The following PDE1C variants were observed in gnomAD, a reference collection of about 807,000 sequenced individuals.
PDE1C encodes the protein dual specificity calcium/calmodulin-dependent 3',5'-cyclic nucleotide phosphodiesterase 1C.
In PDE1C, 62 loss-of-function variants were observed where a neutral mutation model predicts 93.1. The observed-to-expected ratio is 0.67, with a 90% CI of 0.54 to 0.82. The LOEUF (loss-of-function observed/expected upper bound fraction) is 0.82. PDE1C is among the 40% of genes least tolerant of loss of function. The probability of loss-of-function intolerance (pLI) is 0.00; values close to 1 mark genes in which losing one functional copy is unlikely to be tolerated. For missense variants in PDE1C, 742 were observed against 884.6 expected (o/e 0.84, Z 2.04); for synonymous variants, 325 against 310.1 (o/e 1.05, Z -0.50).
intron 2 of PDE1C, among the ~76,000 whole-genome samples, chr7:32,032,781 T>C (rs1446846553): frequency 6.6e-6 from 1 of 152,100 alleles, no homozygotes; most frequent in African/African-American, 2.4e-5. Context: ...CAGTAACCGT[T>C]AGACATGCAG....
intron 16 of PDE1C, among the ~76,000 whole-genome samples, chr7:31,780,421 G>T (rs537380805): frequency 1.4e-4 from 21 of 152,120 alleles, no homozygotes; most frequent in Non-Finnish European, 2.4e-4. Flanking sequence ...TAGACTGCAC[G>T]TCTGCTTATT....
intron 1 of PDE1C, among the ~76,000 whole-genome samples, chr7:32,381,506 G>C (rs1268978673): frequency 6.6e-6 from 1 of 152,148 alleles, no homozygotes; most frequent in Non-Finnish European, 1.5e-5. Flanking sequence ...CTCCTCTCCT[G>C]CTGGCTCACC....
chr7:31,886,881 GGGGCGTGTC>G (rs1583793916), intron 2 of PDE1C, among the ~76,000 whole-genome samples: 698 of 13,826 alleles, frequency 0.05, no homozygotes, highest in Non-Finnish European at 0.058. Context: ...GATCTATTCA[GGGGCGTGTC>G]AAAAGATAAA....
chr7:32,362,788 C>A (rs1282725381), intron 1 of PDE1C, among the ~76,000 whole-genome samples: 1 of 152,180 alleles, frequency 6.6e-6, no homozygotes, highest in Non-Finnish European at 1.5e-5. Context: ...GCTGATGCAG[C>A]GTCTGCTGCA....
chr7:31,809,110 TG>T lies in PDE1C; in HGVS notation c.1814-3del. ...TATTTTTACCATCTTTGAAGTCACCTGAAAGTAATAAACATGACAAACAGTA... is the reference window on the plus strand; with the variant it reads ...TATTTTTACCATCTTTGAAGTCACCTAAAGTAATAAACATGACAAACAGTA... On this transcript the variant is annotated splice_region_variant and splice_polypyrimidine_tract_variant and intron_variant, in intron 15 of 17. Transcript: ENST00000396191. The T allele has an allele frequency of 6.5e-7, 1 of 1,535,654 alleles. No homozygotes were observed. Among genetic ancestry groups the T allele is most frequent in the Non-Finnish European group, 9.0e-7 (1 of 1,110,292 alleles).
At chr7:31,919,739 C>A (rs938318569) in intron 2 of PDE1C, among the ~76,000 whole-genome samples, 1 of 152,210 alleles carries the variant, frequency 6.6e-6, no homozygotes, top group Non-Finnish European at 1.5e-5. Flanking sequence ...CTGCACCAGG[C>A]TTTACCTTAA....
intron 1 of PDE1C, among the ~76,000 whole-genome samples, chr7:32,283,559 CA>C (rs1811810594): frequency 6.6e-6 from 1 of 152,182 alleles, no homozygotes; most frequent in African/African-American, 2.4e-5. Flanking sequence ...AGAGCATTGG[CA>C]TGCCAGTTCT....
At chr7:32,070,515 G>T, upstream of PDE1C, 1 of 1,517,216 alleles carries the variant, frequency 6.6e-7, no homozygotes, top group African/African-American at 1.4e-5. Flanking sequence ...GCACTTTCTC[G>T]GCGCGCTCCC....
At chr7:31,889,156 A>G (rs1231642541) in intron 2 of PDE1C, among the ~76,000 whole-genome samples, 1 of 152,250 alleles carries the variant, frequency 6.6e-6, no homozygotes, top group Non-Finnish European at 1.5e-5. Context: ...TCTAAAATTT[A>G]CTTAGAAATG....
chr7:32,165,893 A>G (rs1802221786), intron 3 of PDE1C, among the ~76,000 whole-genome samples: 1 of 152,128 alleles, frequency 6.6e-6, no homozygotes, highest in Non-Finnish European at 1.5e-5. Context: ...CTTGTTAGAG[A>G]ACAACATCCT....
the PDE1C span, among the ~76,000 whole-genome samples, chr7:31,730,425 A>G: frequency 6.6e-6 from 1 of 152,142 alleles, no homozygotes; most frequent in Non-Finnish European, 1.5e-5. Flanking sequence ...GTGTCATCCC[A>G]GCCACCCTTC....
intron 1 of PDE1C, among the ~76,000 whole-genome samples, chr7:32,280,882 G>A (rs1174033432): frequency 6.6e-6 from 1 of 152,140 alleles, no homozygotes; most frequent in Non-Finnish European, 1.5e-5. Context: ...CTACTTGGGA[G>A]CCTGAGGCAA....
At chr7:32,278,862 T>G (rs145227433) in intron 1 of PDE1C, among the ~76,000 whole-genome samples, 72 of 152,264 alleles carry the variant, frequency 4.7e-4, no homozygotes, top group African/African-American at 1.6e-3. Context: ...AAAACTAGTT[T>G]TAAAAGATAA....
chr7:31,923,158 T>C (rs77219398), intron 2 of PDE1C, among the ~76,000 whole-genome samples: 1,614 of 152,286 alleles, frequency 0.011, 14 homozygotes, highest in Non-Finnish European at 0.019. Flanking sequence ...GAGGTCTTCA[T>C]TGAGGGCTCC....
rs116705695 is a variant in PDE1C at position 32,206,275 on chromosome 7, G to A, written c.136+3214C>T. Among the ~76,000 whole-genome samples the A allele has an allele frequency of 2.9e-3, 436 of 152,212 alleles. 4 individuals carry two copies. Among genetic ancestry groups the A allele is most frequent in the African/African-American group, 0.01 (419 of 41,528 alleles). On this transcript the variant is annotated intron_variant, in intron 2 of 18. Coordinates refer to the PDE1C transcript ENST00000396193. ...GGCTCACTGATTAGGATGCAGAGGA[G>A]CAGGGGGAAAGGAGCAGAAAGGGGC...
chr7:32,060,027 A>C (rs1256142630), intron 1 of PDE1C, among the ~76,000 whole-genome samples: 1 of 152,216 alleles, frequency 6.6e-6, no homozygotes, highest in Non-Finnish European at 1.5e-5. Context: ...AAGCAAAACT[A>C]TCTCTTAATA....
chr7:32,195,774 C>T (rs1159532187), intron 2 of PDE1C, among the ~76,000 whole-genome samples: 4 of 152,140 alleles, frequency 2.6e-5, no homozygotes, highest in Non-Finnish European at 5.9e-5. Flanking sequence ...CTTTCTATGG[C>T]ACAGATTAAG....
At chr7:32,016,862 TG>T (rs1184392586) in intron 2 of PDE1C, among the ~76,000 whole-genome samples, 2 of 152,206 alleles carry the variant, frequency 1.3e-5, no homozygotes, top group African/African-American at 4.8e-5. Context: ...GAATTTGGGC[TG>T]TTTTAAAATT....
At chr7:32,264,190 G>C (rs996268504) in intron 1 of PDE1C, among the ~76,000 whole-genome samples, 2 of 152,176 alleles carry the variant, frequency 1.3e-5, no homozygotes, top group East Asian at 3.8e-4. Flanking sequence ...TCACTAGATA[G>C]AGAATTCCTA....
Sources: gnomAD v4.1 joint callset for allele counts (sites outside exome capture counted in the v4.1 genomes callset) on GRCh38, gnomAD v4.1.1 for gene constraint, MANE v1.5 for transcripts, NCBI Gene and HGNC (gene_info 2026-07-23, HGNC 2026-07-21) for gene names.